Variants in PPFIBP2 observed in about 807,000 individuals in gnomAD.
The protein encoded by PPFIBP2 is PPFIB scaffold protein 2.
Under a neutral mutation model 118.3 loss-of-function variants are expected in PPFIBP2, and 118 were observed. That is an observed-to-expected ratio of 1.00 (90% CI 0.86 to 1.16). The LOEUF is 1.16. Among genes scored for constraint, PPFIBP2 ranks in the 50% most tolerant of loss-of-function variants. The pLI is 0.00. For synonymous variants in PPFIBP2, 414 were observed against 397.4 expected (o/e 1.04, Z -0.50); for missense variants, 1,195 against 1,073.1 (o/e 1.11, Z -1.59).
intron 2 of PPFIBP2, 74 bp downstream of exon 2, chr11:7,549,613 T>G (rs1224071229): frequency 7.7e-7 from 1 of 1,300,154 alleles, no homozygotes; most frequent in Non-Finnish European, 1.0e-6. Flanking sequence ...CTTTTACTTT[T>G]TTTTTTTTTT....
At chr11:7,574,713 C>G (rs1017740926) in intron 3 of PPFIBP2, among the ~76,000 whole-genome samples, 1 of 152,082 alleles carries the variant, frequency 6.6e-6, no homozygotes, top group African/African-American at 2.4e-5. Context: ...CCCAGCTGCC[C>G]CTGGGGGTGG....
intron 1 of PPFIBP2, among the ~76,000 whole-genome samples, chr11:7,521,821 C>A (rs547097633): frequency 6.6e-6 from 1 of 151,832 alleles, no homozygotes; most frequent in African/African-American, 2.4e-5. Flanking sequence ...GTATGGTAGA[C>A]GAGAGAAGGA....
intron 8 of PPFIBP2, among the ~76,000 whole-genome samples, chr11:7,627,175 T>C (rs1850130771): frequency 6.6e-6 from 1 of 152,206 alleles, no homozygotes; most frequent in African/African-American, 2.4e-5. Flanking sequence ...TTTCTAGAGC[T>C]GGTCCTTGGG....
In PPFIBP2 at chr11:7,649,660, A is replaced by T. The variant is rs12293804; in HGVS notation, c.2121+6A>T. 6.2e-7 allele frequency: 1 copy of T among 1,614,196 alleles called. No homozygotes were observed. Among genetic ancestry groups the T allele is most frequent in the African/African-American group, 1.3e-5 (1 of 75,042 alleles). ...ACCGGCGGCCAGCTGATGAGGTGAG[A>T]CCACAAATAGTATCTCTCCAGGTAG... is the stretch of plus-strand genomic sequence containing the variant. On this transcript the variant is annotated splice_donor_region_variant and intron_variant, in intron 21 of 23. Transcript: ENST00000299492.
At chr11:7,610,270 G>C (rs772273474) in intron 5 of PPFIBP2, 21 bp from the exon 6 acceptor site, 3 of 1,611,232 alleles carry the variant, frequency 1.9e-6, no homozygotes, top group Non-Finnish European at 2.5e-6. Context: ...TTCTGATTTC[G>C]AGATCTGTTT....
the PPFIBP2 span, chr11:7,666,904 C>G: frequency 5.3e-6 from 1 of 188,268 alleles, no homozygotes; most frequent in Non-Finnish European, 1.1e-5. Flanking sequence ...CACAGCAAAC[C>G]TAACTGGAAC....
chr11:7,642,295 C>T lies in PPFIBP2; in HGVS notation c.1518-3C>T, dbSNP rs1176004641. 1 of 1,613,680 alleles carries T rather than the reference C, an allele frequency of 6.2e-7. No individual in the cohort carries two copies. Among genetic ancestry groups the T allele is most frequent in the Non-Finnish European group, 8.5e-7 (1 of 1,179,872 alleles). ...CCGTCTCCATGGATTCTTCTCCATG[C>T]AGAATCCGAAGAACTCAGTCAGGAA... On this transcript the variant is annotated splice_region_variant and splice_polypyrimidine_tract_variant and intron_variant, in intron 16 of 23. Coordinates refer to ENST00000299492, the MANE Select transcript of PPFIBP2 (RefSeq NM_003621.5).
In PPFIBP2 at chr11:7,645,037, A is replaced by C. The variant is rs1452650433; in HGVS notation, c.1646+2611A>C. Reference sequence around the variant, plus strand: ...GCAAGACTCCGTCTCAAAAAAAAAAAAAAAAAAAAAAAAAAAAAAAAAGGT... The same window carrying C: ...GCAAGACTCCGTCTCAAAAAAAAAACAAAAAAAAAAAAAAAAAAAAAAGGT... On this transcript the variant is annotated intron_variant, in intron 17 of 23. Transcript: ENST00000299492. 2.3e-4 allele frequency among the ~76,000 whole-genome samples: 28 copies of C among 122,060 alleles called. No individual in the cohort carries two copies. The East Asian group carries it at 4.5e-3, about 20-fold the overall frequency. 80.1% of individuals were successfully genotyped at this position (122,060 alleles called of 152,430 possible). A position where few individuals can be genotyped will look rare whatever the true frequency, so the allele number is the denominator to read the frequency against.
intron 14 of PPFIBP2, among the ~76,000 whole-genome samples, chr11:7,635,858 T>C (rs1371827390): frequency 6.6e-6 from 1 of 152,206 alleles, no homozygotes; most frequent in East Asian, 1.9e-4. Flanking sequence ...TTTAACAAAG[T>C]AATCTAGATT....
chr11:7,656,523 T>A (rs946008677), downstream of PPFIBP2, among the ~76,000 whole-genome samples: 1 of 152,236 alleles, frequency 6.6e-6, no homozygotes, highest in Non-Finnish European at 1.5e-5. Context: ...GAAAATTTAT[T>A]TCTAAGATGA....
At chr11:7,515,197 A>T (rs1849129281) in intron 1 of PPFIBP2, among the ~76,000 whole-genome samples, 1 of 152,240 alleles carries the variant, frequency 6.6e-6, no homozygotes, top group African/African-American at 2.4e-5. Context: ...GCTTAAATTC[A>T]TAGCTAAATA....
intron 1 of PPFIBP2, among the ~76,000 whole-genome samples, chr11:7,518,722 G>A (rs113400668): frequency 0.045 from 6,854 of 152,244 alleles, 217 homozygotes; most frequent in Non-Finnish European, 0.072. Context: ...AATGAACCGA[G>A]TCTTTTGTTA....
Position 7,642,191 on chromosome 11 carries a change from C to T in PPFIBP2, c.1518-107C>T, listed in dbSNP as rs1488999035. 3.0e-6 allele frequency: 4 copies of T among 1,355,288 alleles called. No homozygotes were observed. The African/African-American group carries it at 5.8e-5, about 20-fold the overall frequency. 84.0% of individuals were successfully genotyped at this position (1,355,288 alleles called of 1,614,324 possible). A position where few individuals can be genotyped will look rare whatever the true frequency, so the allele number is the denominator to read the frequency against. On this transcript the variant is annotated intron_variant, in intron 16 of 23. Coordinates refer to ENST00000299492, the MANE Select transcript of PPFIBP2 (RefSeq NM_003621.5). ...GGGAAGGTACGGAGAAGCAGTGCTGCCGAGAGTCCCTGTGCTGGCCTGCAT... is the reference window on the plus strand; with the variant it reads ...GGGAAGGTACGGAGAAGCAGTGCTGTCGAGAGTCCCTGTGCTGGCCTGCAT...
At chr11:7,541,267 C>A (rs959854030) in intron 1 of PPFIBP2, among the ~76,000 whole-genome samples, 51 of 152,124 alleles carry the variant, frequency 3.4e-4, no homozygotes, top group African/African-American at 1.2e-3. Flanking sequence ...GTTTGAGGAC[C>A]ACGAGATAGG....
At chr11:7,603,909 G>T (rs1405726624) in intron 5 of PPFIBP2, among the ~76,000 whole-genome samples, 2 of 152,094 alleles carry the variant, frequency 1.3e-5, no homozygotes, top group Non-Finnish European at 2.9e-5. Flanking sequence ...AAACAATTGG[G>T]AGCAGAAGCA....
At chr11:7,577,433 G>A in intron 3 of PPFIBP2, 2 of 400,810 alleles carry the variant, frequency 5.0e-6, no homozygotes, top group Non-Finnish European at 1.0e-5. Context: ...CTAGGGAGAG[G>A]CTGAAGGACG....
At chr11:7,558,440 T>C (rs1225421178) in intron 2 of PPFIBP2, among the ~76,000 whole-genome samples, 1 of 152,206 alleles carries the variant, frequency 6.6e-6, no homozygotes, top group East Asian at 1.9e-4. Flanking sequence ...CAGACATCCC[T>C]ATGTGCTTTC....
chr11:7,520,648 C>T (rs1019854154), intron 1 of PPFIBP2, among the ~76,000 whole-genome samples: 1 of 152,212 alleles, frequency 6.6e-6, no homozygotes, highest in Non-Finnish European at 1.5e-5. Context: ...ATTCTACAGC[C>T]TGTTCATCCC....
chr11:7,586,568 T>A (rs1858234802), intron 3 of PPFIBP2, among the ~76,000 whole-genome samples: 1 of 152,256 alleles, frequency 6.6e-6, no homozygotes, highest in Non-Finnish European at 1.5e-5. Flanking sequence ...CCCTTTCTGT[T>A]GCTCCGTGAA....
Sources: allele counts gnomAD v4.1 joint callset (sites outside exome capture counted in the v4.1 genomes callset), GRCh38; gene constraint gnomAD v4.1.1; transcripts MANE v1.5; gene names NCBI Gene and HGNC (gene_info 2026-07-23, HGNC 2026-07-21).